TMLHE: variants seen among roughly 807,000 people sequenced by gnomAD.
TMLHE encodes the protein trimethyllysine hydroxylase, epsilon.
Under a neutral mutation model 25.7 loss-of-function variants are expected in TMLHE, and 18 were observed. The observed-to-expected ratio is 0.70, with a 90% CI of 0.48 to 1.04. The LOEUF (loss-of-function observed/expected upper bound fraction) is 1.04. TMLHE is among the 50% of genes least tolerant of loss of function. TMLHE has a pLI of 0.00. For missense variants in TMLHE, 236 were observed against 259.0 expected (o/e 0.91, Z 0.61); for synonymous variants, 105 against 97.0 (o/e 1.08, Z -0.49).
At chrX:155,594,830 G>A (rs1002041449) in intron 1 of TMLHE, among the ~76,000 whole-genome samples, 21 of 110,926 alleles carry the variant, frequency 1.9e-4, no homozygotes, top group Non-Finnish European at 2.1e-4. Context: ...TAAGCCTTAT[G>A]ATAACAACAA....
At chrX:155,524,194 T>C (rs1322836190) in intron 3 of TMLHE, 4 of 255,531 alleles carry the variant, frequency 1.6e-5, no homozygotes, top group African/African-American at 5.6e-5. Flanking sequence ...TGTTAAATAA[T>C]AGTGGTAAGA....
chrX:155,522,603 T>C (rs2067195077), intron 3 of TMLHE, among the ~76,000 whole-genome samples: 1 of 112,080 alleles, frequency 8.9e-6, no homozygotes, highest in South Asian at 3.7e-4. Flanking sequence ...GTTCTCTACC[T>C]CTATAATTAT....
At chrX:155,586,087 C>T (rs1178124327) in intron 1 of TMLHE, among the ~76,000 whole-genome samples, 2 of 109,922 alleles carry the variant, frequency 1.8e-5, no homozygotes, top group African/African-American at 6.6e-5. Flanking sequence ...ATTAGCCAAG[C>T]ATGGTGGTGC....
intron 1 of TMLHE, among the ~76,000 whole-genome samples, chrX:155,592,058 C>G (rs1557346038): frequency 9.0e-6 from 1 of 111,490 alleles, no homozygotes. Flanking sequence ...CATGGATGAA[C>G]CTGGAGGATG....
At chrX:155,576,749 C>T (rs781922785) in intron 1 of TMLHE, among the ~76,000 whole-genome samples, 105 of 111,776 alleles carry the variant, frequency 9.4e-4, no homozygotes, top group Non-Finnish European at 1.8e-3. Context: ...CAAAAGCAAG[C>T]AATGAAGAAA....
intron 2 of TMLHE, among the ~76,000 whole-genome samples, chrX:155,525,550 A>G (rs1388029072): frequency 1.8e-5 from 2 of 112,339 alleles, no homozygotes; most frequent in East Asian, 5.6e-4. Context: ...GAAAATGTCG[A>G]AGCAACTTTG....
rs1377816034 is a variant in TMLHE at position 155,568,759 on chromosome X, C to G, written c.-1-23482G>C. Among the ~76,000 whole-genome samples the G allele has an allele frequency of 3.2e-5, 2 of 61,646 alleles. 1 individual carries two copies. Among genetic ancestry groups the G allele is most frequent in the Non-Finnish European group, 9.1e-5 (2 of 22,092 alleles). 53.5% of individuals were successfully genotyped at this position (61,646 alleles called of 115,157 possible). On this transcript the variant is annotated intron_variant, in intron 1 of 7. Coordinates refer to ENST00000334398, the MANE Select transcript of TMLHE (RefSeq NM_018196.4). ...TGGACCTCTAACAAACTCCAACAGA[C>G]CTGCAGCTGAGGGTCCTGTCTGTTA...
intron 6 of TMLHE, among the ~76,000 whole-genome samples, chrX:155,506,367 G>A (rs2067076039): frequency 9.0e-6 from 1 of 111,586 alleles, no homozygotes. Flanking sequence ...TAAATATGAT[G>A]TTTGGTTTAT....
intron 6 of TMLHE, among the ~76,000 whole-genome samples, chrX:155,506,408 A>G (rs2067076416): frequency 9.0e-6 from 1 of 111,561 alleles, no homozygotes; most frequent in Non-Finnish European, 1.9e-5. Flanking sequence ...TGGTGGTACC[A>G]TTCAATGAAA....
intron 2 of TMLHE, among the ~76,000 whole-genome samples, chrX:155,544,721 T>C (rs1480632218): frequency 9.0e-6 from 1 of 111,447 alleles, no homozygotes; most frequent in Non-Finnish European, 1.9e-5. Context: ...TTCTTTTCTT[T>C]ATTTTTTTTT....
At position 155,511,747 on chromosome X, in the gene TMLHE, G is replaced by A; in HGVS notation, c.684C>T (p.Ser228=). The change falls in exon 5 of 8, where the codon TCC becomes TCT. Residue 228 remains serine, a synonymous_variant. Coordinates refer to ENST00000334398, the MANE Select transcript of TMLHE (RefSeq NM_018196.4). ...GRMWYFTSDF[S]RGDTAYTKLA... Reference sequence around the variant, plus strand: ...GCTTGGTGTACGCAGTGTCACCTCTGGAGAAGTCTGAAGTGAAATACCACA... The same window carrying A: ...GCTTGGTGTACGCAGTGTCACCTCTAGAGAAGTCTGAAGTGAAATACCACA... 1 of 1,197,656 alleles carries A rather than the reference G, an allele frequency of 8.3e-7. No homozygotes were observed. The highest frequency in any genetic ancestry group is 1.8e-5 in the South Asian group (1 of 55,023).
Position 155,532,668 on chromosome X carries a change from CGTGTGTGT to C in TMLHE, c.182-8044_182-8037del, listed in dbSNP as rs33944459. On this transcript the variant is annotated intron_variant, in intron 2 of 7. Transcript: ENST00000334398. ...GGTGTGTGGAATAATATGCAAAATT[CGTGTGTGT>C]GTGTGTGTGTGTGTGTGTGTGTGTG... Among the ~76,000 whole-genome samples, 250 of 86,090 alleles carry C rather than the reference CGTGTGTGT, an allele frequency of 2.9e-3. 2 individuals carry two copies. The highest frequency in any genetic ancestry group is 9.5e-3 in the African/African-American group (218 of 23,042). 74.8% of individuals were successfully genotyped at this position (86,090 alleles called of 115,157 possible).
rs782419802 is a variant in TMLHE, at chrX:155,533,381, A to ACG, written c.182-8750_182-8749insCG. 4.2e-3 allele frequency among the ~76,000 whole-genome samples: 465 copies of ACG among 110,276 alleles called. 9 individuals carry two copies. The highest frequency in any genetic ancestry group is 0.041 in the Admixed American group (424 of 10,408). ...CACATGCACACACACGTGCACACGC[A>ACG]CACACACACACACACACATATATAT... On this transcript the variant is annotated intron_variant, in intron 2 of 7. Transcript: ENST00000334398.
At chrX:155,596,445 G>T (rs2067720789) in intron 1 of TMLHE, among the ~76,000 whole-genome samples, 1 of 111,313 alleles carries the variant, frequency 9.0e-6, no homozygotes, top group Non-Finnish European at 1.9e-5. Flanking sequence ...TCAGTCCCTA[G>T]ATCAGAGGGT....
chrX:155,548,724 G>T (rs902222143), intron 1 of TMLHE, among the ~76,000 whole-genome samples: 2 of 102,784 alleles, frequency 1.9e-5, no homozygotes, highest in African/African-American at 7.8e-5. Context: ...GACAGAGTGA[G>T]ACTCTGTCTC....
Position 155,570,994 on chromosome X carries a change from G to C in TMLHE, c.-1-25717C>G, listed in dbSNP as rs1319007962. On this transcript the variant is annotated intron_variant, in intron 1 of 7. Transcript: ENST00000334398. ...AAATAACTAAAATCAGAGCAGAACT[G>C]AAGGAAATAGAGACACAAAAAGACT... 3.2e-4 allele frequency among the ~76,000 whole-genome samples: 18 copies of C among 56,845 alleles called. 4 individuals are homozygous for C. Among genetic ancestry groups the C allele is most frequent in the African/African-American group, 4.2e-4 (10 of 23,687 alleles). The allele number at this position is 56,845 out of a possible 115,157, so 49.4% of individuals were successfully genotyped here. A position where few individuals can be genotyped will look rare whatever the true frequency, so the allele number is the denominator to read the frequency against.
intron 2 of TMLHE, among the ~76,000 whole-genome samples, chrX:155,532,682 T>TGTGA (rs2067256205): frequency 9.5e-6 from 1 of 105,213 alleles, no homozygotes; most frequent in African/African-American, 3.5e-5. Context: ...TGTGTGTGTG[T>TGTGA]GTGTGTGTGT....
intron 1 of TMLHE, among the ~76,000 whole-genome samples, chrX:155,558,479 T>G (rs2067473529): frequency 8.9e-6 from 1 of 112,162 alleles, no homozygotes; most frequent in African/African-American, 3.2e-5. Context: ...CCTATCTGTC[T>G]CATTCATTTT....
intron 5 of TMLHE, among the ~76,000 whole-genome samples, chrX:155,509,530 G>A (rs1378910479): frequency 9.0e-6 from 1 of 111,609 alleles, no homozygotes; most frequent in Non-Finnish European, 1.9e-5. Context: ...ATAAAGGGAA[G>A]AGCTAGTCAG....
Sources: gnomAD v4.1 joint callset for allele counts (sites outside exome capture counted in the v4.1 genomes callset) on GRCh38, gnomAD v4.1.1 for gene constraint, MANE v1.5 for transcripts, NCBI Gene and HGNC (gene_info 2026-07-23, HGNC 2026-07-21) for gene names.